Variants in IPO11 observed in about 807,000 individuals in gnomAD.
The protein encoded by IPO11 is importin-11.
A neutral mutation model predicts 143.2 loss-of-function variants in IPO11; 66 were observed. That is an observed-to-expected ratio of 0.46 (90% confidence interval 0.38 to 0.57). The LOEUF is 0.57. IPO11 is among the 20% of genes least tolerant of loss of function. The pLI, the probability that IPO11 is intolerant of heterozygous loss-of-function variation, is 0.00. For missense variants in IPO11, 1,026 were observed against 1,141.0 expected (o/e 0.90, Z 1.45); for synonymous variants, 385 against 377.8 (o/e 1.02, Z -0.22).
chr5:62,533,263 G>A (rs1203204960), intron 22 of IPO11, among the ~76,000 whole-genome samples: 7 of 147,308 alleles, frequency 4.8e-5, no homozygotes, highest in African/African-American at 7.6e-5. Flanking sequence ...CCAGGCTGGC[G>A]TGCAATGGTG....
chr5:62,463,279 C>T lies in IPO11; in HGVS notation c.517-3852C>T, dbSNP rs1010242980. Among the ~76,000 whole-genome samples the T allele has an allele frequency of 5.3e-5, 8 of 152,204 alleles. 1 individual carries two copies. Among genetic ancestry groups the T allele is most frequent in the African/African-American group, 1.9e-4 (8 of 41,546 alleles). On this transcript the variant is annotated intron_variant, in intron 5 of 29. Transcript: ENST00000325324. ...TAGGTGGGTCTTCAACTCCTTACCT[C>T]AAGTGATCCTCTTGCCTTAGCCTCC...
intron 24 of IPO11, among the ~76,000 whole-genome samples, chr5:62,547,059 G>T (rs920305228): frequency 6.6e-6 from 1 of 152,094 alleles, no homozygotes; most frequent in Non-Finnish European, 1.5e-5. Context: ...TGAAACATTT[G>T]AATCTAACTG....
intron 1 of IPO11, chr5:62,418,853 C>T (rs1743389327): frequency 1.3e-6 from 1 of 743,154 alleles, no homozygotes; most frequent in Non-Finnish European, 2.1e-6. Context: ...TCTCCTTATT[C>T]TTATATGCCT....
rs372608086 is a variant in IPO11, at chr5:62,613,298, C to CTTTTTTT, written c.2763+11467_2763+11473dup. On this transcript the variant is annotated intron_variant, in intron 29 of 29. Transcript: ENST00000325324. ...AATATCTCCTATTCCACATGCTCTT[C>CTTTTTTT]TTTTTTTTTTTTTTTTTTTTTTTGA... Among the ~76,000 whole-genome samples, 54 of 69,048 alleles carry CTTTTTTT rather than the reference C, an allele frequency of 7.8e-4. 1 individual carries two copies. The highest frequency in any genetic ancestry group is 2.1e-3 in the South Asian group (3 of 1,444). 45.3% of individuals were successfully genotyped at this position (69,048 alleles called of 152,430 possible). A position where few individuals can be genotyped will look rare whatever the true frequency, so the allele number is the denominator to read the frequency against.
intron 27 of IPO11, chr5:62,576,051 G>A (rs1744303061): frequency 6.6e-6 from 1 of 152,596 alleles, no homozygotes; most frequent in Non-Finnish European, 1.5e-5. Context: ...TTGGGCCCAA[G>A]TTACCTTTCT....
chr5:62,598,438 C>T (rs200658896), intron 28 of IPO11, among the ~76,000 whole-genome samples: 157 of 2,486 alleles, frequency 0.063, 1 homozygote, highest in Middle Eastern at 0.25. Context: ...CTTTCTCTCT[C>T]TCTCTCTCTC....
Position 62,506,344 on chromosome 5 carries a change from G to C in IPO11, c.1769G>C (p.Arg590Thr), listed in dbSNP as rs751218243. The change falls in exon 19 of 30, where the codon AGA becomes ACA. Residue 590 changes from arginine (R) to threonine (T), a missense_variant. Physicochemically the swap from Arg to Thr is moderately conservative, Grantham distance 71 (BLOSUM62 -1). Transcript: ENST00000325324. ...VLHVLSCVIE[R>T]VNMQIRPYVG... is the part of the protein sequence containing the mutation. ...CATGTCCTTTCTTGTGTGATCGAAA[G>C]AGTCAACATGCAGGTAATTATATTG... The C allele has an allele frequency of 6.3e-7, 1 of 1,579,162 alleles. No individual in the cohort carries two copies. The highest frequency in any genetic ancestry group is 8.7e-7 in the Non-Finnish European group (1 of 1,150,650).
intron 27 of IPO11, among the ~76,000 whole-genome samples, chr5:62,591,037 A>T (rs1056824539): frequency 2.6e-5 from 4 of 152,102 alleles, no homozygotes; most frequent in Admixed American, 6.6e-5. Flanking sequence ...GCCTCAAGAG[A>T]TTCTCCTGCC....
At chr5:62,611,625 T>TA (rs1308953434) in intron 29 of IPO11, among the ~76,000 whole-genome samples, 5 of 152,182 alleles carry the variant, frequency 3.3e-5, no homozygotes, top group Non-Finnish European at 5.9e-5. Context: ...GAATTGTTAC[T>TA]AAAAACCTTA....
At chr5:62,563,673 C>T (rs1213350605) in intron 27 of IPO11, among the ~76,000 whole-genome samples, 2 of 152,008 alleles carry the variant, frequency 1.3e-5, no homozygotes, top group African/African-American at 4.8e-5. Flanking sequence ...ATTTCATATA[C>T]ACCTCATATA....
intron 29 of IPO11, among the ~76,000 whole-genome samples, chr5:62,613,140 TA>T (rs376622932): frequency 3.9e-4 from 59 of 152,280 alleles, no homozygotes; most frequent in African/African-American, 5.5e-4. Context: ...AGCTCATTGA[TA>T]TTTTTTTGTT....
At chr5:62,454,498 A>G (rs1745056030) in intron 5 of IPO11, among the ~76,000 whole-genome samples, 1 of 152,150 alleles carries the variant, frequency 6.6e-6, no homozygotes, top group African/African-American at 2.4e-5. Flanking sequence ...ACTCTCTAAT[A>G]TGTTGCCTTA....
At chr5:62,481,094 A>G (rs1746191911) in intron 9 of IPO11, among the ~76,000 whole-genome samples, 1 of 150,542 alleles carries the variant, frequency 6.6e-6, no homozygotes, top group Non-Finnish European at 1.5e-5. Context: ...TTTTTTTTGT[A>G]TTTTTAGTAG....
At chr5:62,584,275 G>A (rs1744674492) in intron 27 of IPO11, among the ~76,000 whole-genome samples, 1 of 151,988 alleles carries the variant, frequency 6.6e-6, no homozygotes, top group Non-Finnish European at 1.5e-5. Context: ...CAGTGGTGAT[G>A]GGACAGAGAC....
chr5:62,613,807 AT>A (rs1746020426), intron 29 of IPO11, among the ~76,000 whole-genome samples: 1 of 152,192 alleles, frequency 6.6e-6, no homozygotes, highest in Admixed American at 6.5e-5. Flanking sequence ...CCATAAATCC[AT>A]AAGAAGTAGG....
rs1261413818 is a variant in IPO11, at chr5:62,623,620, ATTTC to A, written c.2764-3519_2764-3516del. Among the ~76,000 whole-genome samples the A allele has an allele frequency of 5.5e-5, 8 of 144,366 alleles. No homozygotes were observed. The South Asian group carries it at 6.8e-4, about 12-fold the overall frequency. 94.7% of individuals were successfully genotyped at this position (144,366 alleles called of 152,430 possible). ...CTGCTGGCTGGCTATTTCTATGGGTATTTCTTTCTTTCTTTCTTCTTTTTCTTTT... is the reference window on the plus strand; with the variant it reads ...CTGCTGGCTGGCTATTTCTATGGGTATTTCTTTCTTTCTTCTTTTTCTTTT... On this transcript the variant is annotated intron_variant, in intron 29 of 29. Coordinates refer to ENST00000325324, the MANE Select transcript of IPO11 (RefSeq NM_016338.5).
chr5:62,484,832 T>A, intron 11 of IPO11, among the ~76,000 whole-genome samples: 1 of 151,992 alleles, frequency 6.6e-6, no homozygotes, highest in Non-Finnish European at 1.5e-5. Context: ...CGCCATGCTT[T>A]TGGTTTTTAA....
At chr5:62,554,492 A>G (rs1743501428) in intron 26 of IPO11, among the ~76,000 whole-genome samples, 2 of 152,130 alleles carry the variant, frequency 1.3e-5, no homozygotes, top group South Asian at 2.1e-4. Flanking sequence ...GTTCTTCTGC[A>G]TATGGATATC....
At chr5:62,545,886 A>G (rs964900254) in intron 24 of IPO11, among the ~76,000 whole-genome samples, 2 of 152,254 alleles carry the variant, frequency 1.3e-5, no homozygotes, top group Non-Finnish European at 2.9e-5. Flanking sequence ...TGCAAATTAA[A>G]ACCACAATGA....
Sources: gnomAD v4.1 joint callset for allele counts (sites outside exome capture counted in the v4.1 genomes callset) on GRCh38, gnomAD v4.1.1 for gene constraint, MANE v1.5 for transcripts, NCBI Gene and HGNC (gene_info 2026-07-23, HGNC 2026-07-21) for gene names.